The following CACNA1A variants were observed in gnomAD, a reference collection of about 807,000 sequenced individuals.
The protein encoded by CACNA1A is voltage-dependent P/Q-type calcium channel subunit alpha-1A.
A neutral mutation model predicts 262.4 loss-of-function variants in CACNA1A; 57 were observed. The ratio of observed to expected loss-of-function variants is 0.22; its 90% CI spans 0.18 to 0.27. The LOEUF (loss-of-function observed/expected upper bound fraction) is 0.27. Among genes scored for constraint, CACNA1A ranks in the 10% least tolerant of loss-of-function variants. The probability of loss-of-function intolerance (pLI) is 1.00; values close to 1 mark genes in which losing one functional copy is unlikely to be tolerated. For synonymous variants in CACNA1A, 1,431 were observed against 1,419.3 expected (o/e 1.01, Z -0.18); for missense variants, 2,526 against 3,562.8 (o/e 0.71, Z 7.41).
Position 13,264,877 on chromosome 19 carries a change from C to CT in CACNA1A, c.3990-2045dup, listed in dbSNP as rs33923652. On this transcript the variant is annotated intron_variant, in intron 24 of 46. Coordinates refer to ENST00000360228, the MANE Select transcript of CACNA1A (RefSeq NM_001127222.2). The stretch of plus-strand genomic sequence containing the variant: ...TCTCTGTGTTCATTTTCCCTTTAAT[C>CT]TTTTTTTTTTTTTTTGAGATGGAGT... Among the ~76,000 whole-genome samples the CT allele has an allele frequency of 1.2e-3, 157 of 136,084 alleles. 1 individual carries two copies. The highest frequency in any genetic ancestry group is 5.3e-3 in the East Asian group (22 of 4,152). 89.3% of individuals were successfully genotyped at this position (136,084 alleles called of 152,430 possible). A position where few individuals can be genotyped will look rare whatever the true frequency, so the allele number is the denominator to read the frequency against.
chr19:13,360,241 T>C (rs2059078909), intron 5 of CACNA1A, among the ~76,000 whole-genome samples: 2 of 123,804 alleles, frequency 1.6e-5, no homozygotes, highest in Non-Finnish European at 3.3e-5. Context: ...AAAAAACTTA[T>C]TAGGTGTCTG....
chr19:13,432,416 A>AAAATAAATAAATAAATAAATAAAT (rs201856945), intron 3 of CACNA1A, among the ~76,000 whole-genome samples: 7 of 144,930 alleles, frequency 4.8e-5, no homozygotes, highest in South Asian at 2.2e-4. Flanking sequence ...CTCCATCTCA[A>AAAATAAATAAATAAATAAATAAAT]AAATAAATAA....
chr19:13,262,707 C>A (rs778626357), intron 25 of CACNA1A, 27 bp downstream of exon 25: 2 of 1,443,510 alleles, frequency 1.4e-6, no homozygotes, highest in Non-Finnish European at 1.9e-6. Flanking sequence ...GTCCCCCCCA[C>A]CGCACCCCAC....
intron 3 of CACNA1A, among the ~76,000 whole-genome samples, chr19:13,387,989 G>A (rs923899656): frequency 2.0e-5 from 3 of 152,150 alleles, no homozygotes; most frequent in African/African-American, 7.2e-5. Flanking sequence ...AGACAGGAGA[G>A]TGAGAAGATG....
At chr19:13,351,522 T>G (rs2058907549) in intron 6 of CACNA1A, among the ~76,000 whole-genome samples, 1 of 152,058 alleles carries the variant, frequency 6.6e-6, no homozygotes, top group African/African-American at 2.4e-5. Context: ...AAAAACATTT[T>G]TTTTGAGATG....
intron 15 of CACNA1A, among the ~76,000 whole-genome samples, chr19:13,304,205 G>A (rs2057850482): frequency 6.6e-6 from 1 of 152,040 alleles, no homozygotes; most frequent in East Asian, 1.9e-4. Flanking sequence ...ACTAAATTGT[G>A]CCCGCCTCCA....
At chr19:13,273,675 A>T (rs955335465) in intron 24 of CACNA1A, 8 of 152,058 alleles carry the variant, frequency 5.3e-5, no homozygotes, top group Non-Finnish European at 8.8e-5. Flanking sequence ...TGTACTCATC[A>T]CTATTAAAAT....
intron 4 of CACNA1A, chr19:13,365,759 C>T (rs2144525749): frequency 3.8e-6 from 1 of 265,020 alleles, no homozygotes; most frequent in Admixed American, 4.8e-5. Flanking sequence ...CCTCAACCTC[C>T]TGGGCTCAGG....
intron 1 of CACNA1A, among the ~76,000 whole-genome samples, chr19:13,464,698 G>C (rs562402614): frequency 4.1e-5 from 6 of 145,960 alleles, no homozygotes; most frequent in South Asian, 2.2e-4. Context: ...ACAGGCGCCT[G>C]CCACCGCGCC....
intron 38 of CACNA1A, among the ~76,000 whole-genome samples, chr19:13,224,290 C>CTG (rs2055348926): frequency 6.7e-6 from 1 of 149,770 alleles, no homozygotes; most frequent in Non-Finnish European, 1.5e-5. Flanking sequence ...CACCACTGCA[C>CTG]TTCAGCCTGG....
At chr19:13,469,948 C>G (rs1484249248) in intron 1 of CACNA1A, among the ~76,000 whole-genome samples, 1 of 152,064 alleles carries the variant, frequency 6.6e-6, no homozygotes, top group Non-Finnish European at 1.5e-5. Context: ...AAAAATCCAT[C>G]CCTGCATGAA....
Position 13,308,288 on chromosome 19 carries a change from G to A in CACNA1A, c.1782-37C>T, listed in dbSNP as rs200221609. 6.7e-4 allele frequency: 1,064 copies of A among 1,594,830 alleles called. No homozygotes were observed. The highest frequency in any genetic ancestry group is 1.4e-3 in the Admixed American group (80 of 58,090). ...GGCCAGGCGAGGACTCAGGCCAGGC[G>A]GGGGAGGCAGGGCCCCGGAGTCAGC... On this transcript the variant is annotated intron_variant, in intron 13 of 46. Coordinates refer to ENST00000360228, the MANE Select transcript of CACNA1A (RefSeq NM_001127222.2). This position sits in a 1 kb window ranked among gnomAD's most constrained non-coding sequence, Gnocchi z 4.2.
At chr19:13,271,973 G>C (rs769990697) in intron 24 of CACNA1A, 1 of 151,982 alleles carries the variant, frequency 6.6e-6, no homozygotes, top group Non-Finnish European at 1.5e-5. Flanking sequence ...CATGTTGCCT[G>C]GGGTTTCACC....
At chr19:13,405,387 G>A (rs1033038814) in intron 3 of CACNA1A, among the ~76,000 whole-genome samples, 3 of 151,454 alleles carry the variant, frequency 2.0e-5, no homozygotes, top group African/African-American at 7.3e-5. Context: ...TTTATTTTTT[G>A]TAAAGACAGA....
At chr19:13,489,893 C>T (rs1257134783) in intron 1 of CACNA1A, among the ~76,000 whole-genome samples, 1 of 152,144 alleles carries the variant, frequency 6.6e-6, no homozygotes, top group African/African-American at 2.4e-5. Flanking sequence ...CCTCCAAATG[C>T]AGCTAAGATC....
chr19:13,290,073 C>T (rs992263657), intron 19 of CACNA1A, among the ~76,000 whole-genome samples: 11 of 151,500 alleles, frequency 7.3e-5, no homozygotes, highest in African/African-American at 2.7e-4. Context: ...GGACTACAGG[C>T]CTGTGCCACC....
chr19:13,321,258 T>C (rs988902412), intron 10 of CACNA1A, among the ~76,000 whole-genome samples: 2 of 152,022 alleles, frequency 1.3e-5, no homozygotes, highest in African/African-American at 4.8e-5. Context: ...GGTCTCGAAC[T>C]CCTAACCTCA....
chr19:13,378,857 C>T (rs752708548), intron 3 of CACNA1A, among the ~76,000 whole-genome samples: 73 of 151,646 alleles, frequency 4.8e-4, no homozygotes, highest in African/African-American at 1.7e-3. Context: ...TTCATAGAGA[C>T]GGGGTTTCAC....
intron 4 of CACNA1A, among the ~76,000 whole-genome samples, chr19:13,368,760 C>G (rs1054819425): frequency 4.7e-5 from 6 of 128,910 alleles, no homozygotes; most frequent in Middle Eastern, 3.6e-3. Context: ...GGGTGCTGGC[C>G]GGGCGCGGTG....
Sources: gnomAD v4.1 joint callset for allele counts (sites outside exome capture counted in the v4.1 genomes callset) on GRCh38, gnomAD v4.1.1 for gene constraint, Gnocchi (gnomAD v3.1) non-coding constraint, MANE v1.5 for transcripts, NCBI Gene and HGNC (gene_info 2026-07-23, HGNC 2026-07-21) for gene names.